The following NAALADL2 variants were observed in gnomAD, a reference collection of about 807,000 sequenced individuals.
NAALADL2 encodes the protein inactive N-acetylated-alpha-linked acidic dipeptidase-like protein 2.
In NAALADL2, 76 loss-of-function variants were observed where a neutral mutation model predicts 87.2. The observed-to-expected ratio is 0.87, with a 90% confidence interval of 0.72 to 1.05. The LOEUF (loss-of-function observed/expected upper bound fraction) is 1.05. NAALADL2 is among the 50% of genes least tolerant of loss of function. The pLI is 0.00. For synonymous variants in NAALADL2, 354 were observed against 331.0 expected (o/e 1.07, Z -0.75); for missense variants, 1,089 against 945.8 (o/e 1.15, Z -1.99).
chr3:175,359,305 T>C (rs1764719855), intron 5 of NAALADL2, among the ~76,000 whole-genome samples: 1 of 152,112 alleles, frequency 6.6e-6, no homozygotes, highest in African/African-American at 2.4e-5. Flanking sequence ...ACACTTTTTT[T>C]GCAAAGGACA....
chr3:174,920,906 A>C (rs1256895800), intron 1 of NAALADL2, among the ~76,000 whole-genome samples: 3 of 152,188 alleles, frequency 2.0e-5, no homozygotes, highest in Non-Finnish European at 2.9e-5. Context: ...CTGAGGAGAG[A>C]GAGAGAAACA....
intron 9 of NAALADL2, among the ~76,000 whole-genome samples, chr3:175,565,009 C>T (rs1328072739): frequency 2.6e-5 from 4 of 152,200 alleles, no homozygotes; most frequent in African/African-American, 9.7e-5. Context: ...ATTATTTTAA[C>T]TTCCATTTCT....
intron 3 of NAALADL2, among the ~76,000 whole-genome samples, chr3:174,793,530 T>A (rs956447779): frequency 1.3e-5 from 2 of 152,138 alleles, no homozygotes; most frequent in Non-Finnish European, 2.9e-5. Context: ...TGTGGTCAAA[T>A]CATGTGTCCA....
intron 5 of NAALADL2, among the ~76,000 whole-genome samples, chr3:175,329,763 T>C (rs1377969862): frequency 5.3e-5 from 8 of 152,308 alleles, no homozygotes; most frequent in Admixed American, 4.6e-4. Flanking sequence ...GTGTGGCTCA[T>C]TGTTAAGCGG....
At chr3:175,065,225 A>G (rs1232299166) in intron 1 of NAALADL2, among the ~76,000 whole-genome samples, 1 of 152,104 alleles carries the variant, frequency 6.6e-6, no homozygotes, top group Admixed American at 6.6e-5. Context: ...ATGGACCCAC[A>G]TTTAGGAGAC....
At chr3:174,948,731 G>A (rs915539856) in intron 1 of NAALADL2, among the ~76,000 whole-genome samples, 1 of 152,018 alleles carries the variant, frequency 6.6e-6, no homozygotes, top group African/African-American at 2.4e-5. Flanking sequence ...CTCAAAAACT[G>A]GGGGCTGGAA....
At chr3:175,368,732 G>A (rs1766026098) in intron 5 of NAALADL2, among the ~76,000 whole-genome samples, 1 of 152,078 alleles carries the variant, frequency 6.6e-6, no homozygotes, top group East Asian at 1.9e-4. Context: ...CAAACACATT[G>A]TGTAGCCTCC....
chr3:175,043,389 C>A (rs1397020591), intron 1 of NAALADL2, among the ~76,000 whole-genome samples: 1 of 152,006 alleles, frequency 6.6e-6, no homozygotes, highest in Admixed American at 6.6e-5. Flanking sequence ...CAGGCACGCG[C>A]CACGATGCCT....
chr3:175,560,219 G>A lies in NAALADL2; in HGVS notation c.1654-15822G>A, dbSNP rs531493087. Reference sequence around the variant, plus strand: ...CTCCTAGATTTCCCAGTTTAGTGGCGTAGTTGATCATAGTAGCCACTAATG... The same window carrying A: ...CTCCTAGATTTCCCAGTTTAGTGGCATAGTTGATCATAGTAGCCACTAATG... On this transcript the variant is annotated intron_variant, in intron 9 of 13. Transcript: ENST00000454872. Among the ~76,000 whole-genome samples the A allele has an allele frequency of 1.6e-4, 25 of 152,178 alleles. 1 individual carries two copies. The highest frequency in any genetic ancestry group is 3.1e-4 in the African/African-American group (13 of 41,534).
chr3:174,468,823 C>T (rs754915961), intron 1 of NAALADL2, among the ~76,000 whole-genome samples: 60 of 146,198 alleles, frequency 4.1e-4, no homozygotes, highest in Non-Finnish European at 8.1e-4. Context: ...AGTGCAGTGG[C>T]GCGATCTAGG....
intron 1 of NAALADL2, among the ~76,000 whole-genome samples, chr3:175,069,057 C>A (rs2109132125): frequency 6.6e-6 from 1 of 151,770 alleles, no homozygotes; most frequent in Admixed American, 6.6e-5. Context: ...CAATAAAAAC[C>A]CTAGAAGAAA....
Position 175,222,036 on chromosome 3 carries a change from C to A in NAALADL2, c.546-11895C>A, listed in dbSNP as rs1344722149. 3.3e-5 allele frequency among the ~76,000 whole-genome samples: 5 copies of A among 152,072 alleles called. No homozygotes were observed. The East Asian group carries it at 7.7e-4, about 24-fold the overall frequency. ...AGCTCAGGGAATCCACCTGCCTTGG[C>A]CTCCCAGAGTGTCAGTGGTTATTTT... On this transcript the variant is annotated intron_variant, in intron 2 of 13. Coordinates refer to ENST00000454872, the MANE Select transcript of NAALADL2 (RefSeq NM_207015.3).
At chr3:175,749,726 C>T (rs1458484445) in intron 12 of NAALADL2, among the ~76,000 whole-genome samples, 1 of 152,188 alleles carries the variant, frequency 6.6e-6, no homozygotes, top group African/African-American at 2.4e-5. Context: ...CCATAGCATA[C>T]ATCAAGTTAT....
At chr3:174,519,409 A>G (rs1720130766) in intron 1 of NAALADL2, among the ~76,000 whole-genome samples, 1 of 151,254 alleles carries the variant, frequency 6.6e-6, no homozygotes. Flanking sequence ...GCTCACAGCA[A>G]TCTCTGCTTC....
intron 3 of NAALADL2, among the ~76,000 whole-genome samples, chr3:174,812,491 G>A (rs180800950): frequency 1.3e-5 from 2 of 152,098 alleles, no homozygotes; most frequent in Non-Finnish European, 2.9e-5. Context: ...TATGTTCCTG[G>A]TTTATGTATT....
At chr3:174,534,687 C>T (rs1721565516) in intron 1 of NAALADL2, among the ~76,000 whole-genome samples, 3 of 152,252 alleles carry the variant, frequency 2.0e-5, no homozygotes, top group East Asian at 3.9e-4. Context: ...CTAAATCAAT[C>T]CCTGGCAAAA....
chr3:175,213,592 T>C (rs1401793689), intron 2 of NAALADL2, among the ~76,000 whole-genome samples: 2 of 152,276 alleles, frequency 1.3e-5, no homozygotes, highest in South Asian at 4.1e-4. Context: ...TAGGTAACTA[T>C]GCATTTACAT....
chr3:175,394,991 T>C (rs1320532655), intron 5 of NAALADL2, among the ~76,000 whole-genome samples: 1 of 152,122 alleles, frequency 6.6e-6, no homozygotes, highest in African/African-American at 2.4e-5. Context: ...AAACACTGCT[T>C]ATCTTTGGCA....
intron 7 of NAALADL2, among the ~76,000 whole-genome samples, chr3:175,464,540 G>A (rs1390147282): frequency 1.3e-5 from 2 of 152,118 alleles, no homozygotes; most frequent in African/African-American, 4.8e-5. Flanking sequence ...TAATGTGCCT[G>A]TTATACAGTG....
Sources: allele counts gnomAD v4.1 joint callset (sites outside exome capture counted in the v4.1 genomes callset), GRCh38; gene constraint gnomAD v4.1.1; transcripts MANE v1.5; gene names NCBI Gene and HGNC (gene_info 2026-07-23, HGNC 2026-07-21).